The following ZPBP variants were observed in gnomAD, a reference collection of about 807,000 sequenced individuals.
ZPBP encodes the protein zona pellucida-binding protein 1.
ZPBP carries 26 observed loss-of-function variants against 44.8 expected under a neutral mutation model. That is an observed-to-expected ratio of 0.58 (90% CI 0.43 to 0.81). The LOEUF (loss-of-function observed/expected upper bound fraction) is 0.81. Ranked by LOEUF, ZPBP falls within the 30% of genes least tolerant of loss-of-function variation. The pLI is 0.00. For missense variants in ZPBP, 409 were observed against 434.0 expected (o/e 0.94, Z 0.51); for synonymous variants, 174 against 153.2 (o/e 1.14, Z -1.00).
intron 1 of ZPBP, among the ~76,000 whole-genome samples, chr7:49,931,645 G>T (rs540410158): frequency 1.3e-5 from 2 of 152,286 alleles, no homozygotes; most frequent in East Asian, 3.9e-4. Flanking sequence ...CTGACGATGG[G>T]ATAGAAAAGA....
intron 1 of ZPBP, among the ~76,000 whole-genome samples, chr7:50,091,697 T>C (rs998432155): frequency 2.0e-5 from 3 of 152,336 alleles, no homozygotes; most frequent in African/African-American, 7.2e-5. Flanking sequence ...ACCTTGCACA[T>C]TGTAAATATT....
chr7:49,852,173 A>G (rs913150827), intron 2 of ZPBP, among the ~76,000 whole-genome samples: 2 of 152,238 alleles, frequency 1.3e-5, no homozygotes, highest in Non-Finnish European at 2.9e-5. Context: ...CCCTGTGGCC[A>G]CTGCCTTATC....
intron 5 of ZPBP, among the ~76,000 whole-genome samples, chr7:50,026,084 T>C (rs1022173556): frequency 7.2e-5 from 11 of 151,816 alleles, no homozygotes; most frequent in African/African-American, 2.4e-4. Flanking sequence ...GACAAATTGC[T>C]GGAAACACAC....
intron 1 of ZPBP, among the ~76,000 whole-genome samples, chr7:49,906,463 G>A (rs1438849488): frequency 6.6e-6 from 1 of 151,990 alleles, no homozygotes; most frequent in African/African-American, 2.4e-5. Flanking sequence ...AGCCTCCCAA[G>A]TAGCTGGGAC....
At chr7:50,012,915 ATAAT>A (rs1584041751) in intron 6 of ZPBP, among the ~76,000 whole-genome samples, 1 of 152,014 alleles carries the variant, frequency 6.6e-6, no homozygotes, top group Non-Finnish European at 1.5e-5. Flanking sequence ...AAAAAACTCT[ATAAT>A]TAACAAGTTA....
chr7:49,985,857 G>T (rs1797252063), intron 6 of ZPBP, among the ~76,000 whole-genome samples: 1 of 152,170 alleles, frequency 6.6e-6, no homozygotes, highest in Admixed American at 6.5e-5. Context: ...GGAAAATGGG[G>T]TGCAGCCACT....
At chr7:50,051,464 T>C (rs1395105171) in intron 4 of ZPBP, among the ~76,000 whole-genome samples, 1 of 152,066 alleles carries the variant, frequency 6.6e-6, no homozygotes, top group East Asian at 1.9e-4. Context: ...AATCATTCTG[T>C]TACGAGGATA....
At chr7:49,880,086 T>A (rs1242896857) in intron 2 of ZPBP, among the ~76,000 whole-genome samples, 1 of 152,216 alleles carries the variant, frequency 6.6e-6, no homozygotes, top group Non-Finnish European at 1.5e-5. Flanking sequence ...TGATTTGGAA[T>A]AATAACTCCC....
At chr7:49,980,036 T>A (rs1215650992) in intron 7 of ZPBP, among the ~76,000 whole-genome samples, 1 of 9,834 alleles carries the variant, frequency 1.0e-4, no homozygotes, top group Non-Finnish European at 2.0e-4. Context: ...TATATTATAT[T>A]ATAATATATA....
At chr7:49,948,335 T>C (rs1458688757) in intron 7 of ZPBP, among the ~76,000 whole-genome samples, 1 of 152,208 alleles carries the variant, frequency 6.6e-6, no homozygotes, top group African/African-American at 2.4e-5. Flanking sequence ...CCTGTTTTGA[T>C]TTCTTTTACG....
chr7:49,875,225 C>T, intron 2 of ZPBP, among the ~76,000 whole-genome samples: 1 of 151,484 alleles, frequency 6.6e-6, no homozygotes, highest in East Asian at 1.9e-4. Flanking sequence ...CAAAAATTAG[C>T]TGGGCATGGT....
At chr7:49,930,078 T>C (rs1481133095) in intron 1 of ZPBP, among the ~76,000 whole-genome samples, 2 of 152,218 alleles carry the variant, frequency 1.3e-5, no homozygotes, top group African/African-American at 4.8e-5. Context: ...TTCATTTTTA[T>C]GTTTCTTTCT....
At chr7:49,854,412 G>T (rs1427243457) in intron 2 of ZPBP, among the ~76,000 whole-genome samples, 2 of 152,160 alleles carry the variant, frequency 1.3e-5, no homozygotes, top group African/African-American at 2.4e-5. Context: ...ATTCTAACTG[G>T]TGTGAGATGG....
At chr7:50,028,828 A>G (rs542200588) in intron 5 of ZPBP, among the ~76,000 whole-genome samples, 1 of 124,652 alleles carries the variant, frequency 8.0e-6, no homozygotes, top group East Asian at 2.7e-4. Context: ...AATGCTGCTG[A>G]AAGAAATTAC....
In ZPBP at chr7:50,031,319, A is replaced by C. The variant is rs190123663; in HGVS notation, c.488-9T>G. The C allele has an allele frequency of 6.1e-4, 979 of 1,602,960 alleles. 3 individuals are homozygous for C. The highest frequency in any genetic ancestry group is 5.1e-3 in the South Asian group (452 of 89,286). ...ATGAGGCTCACGATAAGCTGTAAAAAATTAACAAGAGAAAGACACAAAAAT... is the reference window on the plus strand; with the variant it reads ...ATGAGGCTCACGATAAGCTGTAAAACATTAACAAGAGAAAGACACAAAAAT... On this transcript the variant is annotated splice_polypyrimidine_tract_variant and intron_variant, in intron 4 of 7. Coordinates refer to ENST00000046087, the MANE Select transcript of ZPBP (RefSeq NM_007009.3).
chr7:50,073,704 A>T (rs1368682092), intron 3 of ZPBP, among the ~76,000 whole-genome samples: 1 of 152,150 alleles, frequency 6.6e-6, no homozygotes, highest in Non-Finnish European at 1.5e-5. Flanking sequence ...ATCTGGCAGC[A>T]GACTTTTCAG....
chr7:50,063,023 G>A (rs915285447), intron 3 of ZPBP, among the ~76,000 whole-genome samples: 3 of 152,114 alleles, frequency 2.0e-5, no homozygotes, highest in Admixed American at 6.5e-5. Flanking sequence ...TACTACAGAA[G>A]AGAGAAACAA....
At chr7:49,924,832 G>A (rs149399455) in intron 1 of ZPBP, among the ~76,000 whole-genome samples, 19 of 152,246 alleles carry the variant, frequency 1.2e-4, no homozygotes, top group African/African-American at 4.3e-4. Flanking sequence ...AGGACTTCAG[G>A]ATTTGAGGAA....
intron 3 of ZPBP, among the ~76,000 whole-genome samples, chr7:50,063,810 T>C (rs919967194): frequency 6.6e-6 from 1 of 152,232 alleles, no homozygotes; most frequent in African/African-American, 2.4e-5. Flanking sequence ...ATATACAGCA[T>C]TTTTTATTTG....
Sources: gnomAD v4.1 joint callset for allele counts (sites outside exome capture counted in the v4.1 genomes callset) on GRCh38, gnomAD v4.1.1 for gene constraint, MANE v1.5 for transcripts, NCBI Gene and HGNC (gene_info 2026-07-23, HGNC 2026-07-21) for gene names.